NDRG3: variants seen among roughly 807,000 people sequenced by gnomAD.
NDRG3 encodes the protein NDRG family member 3.
NDRG3 carries 23 observed loss-of-function variants against 57.2 expected under a neutral mutation model. The observed-to-expected ratio is 0.40, with a 90% CI of 0.29 to 0.57. The LOEUF is 0.57. Ranked by LOEUF, NDRG3 falls within the 20% of genes least tolerant of loss-of-function variation. The pLI is 0.42. For synonymous variants in NDRG3, 132 were observed against 162.6 expected (o/e 0.81, Z 1.43); for missense variants, 384 against 457.3 (o/e 0.84, Z 1.46).
intron 8 of NDRG3, among the ~76,000 whole-genome samples, chr20:36,676,855 T>C (rs1263715687): frequency 1.3e-5 from 2 of 152,250 alleles, no homozygotes; most frequent in African/African-American, 4.8e-5. Context: ...GCACACGCCA[T>C]GGAGCTGGCG....
chr20:36,677,764 T>C (rs139771399), intron 8 of NDRG3, among the ~76,000 whole-genome samples: 292 of 152,260 alleles, frequency 1.9e-3, no homozygotes, highest in African/African-American at 6.8e-3. Flanking sequence ...TCTGAGCTGT[T>C]CTAACACTAA....
At chr20:36,669,374 C>T (rs548956252) in intron 9 of NDRG3, among the ~76,000 whole-genome samples, 49 of 174 alleles carry the variant, frequency 0.28, no homozygotes, top group African/African-American at 0.43. Context: ...GTACTACAGG[C>T]GCGTGCACCA....
chr20:36,716,207 T>C (rs114007515), intron 2 of NDRG3, among the ~76,000 whole-genome samples: 1 of 151,810 alleles, frequency 6.6e-6, no homozygotes, highest in Non-Finnish European at 1.5e-5. Context: ...TTGTGATTAG[T>C]AGAAAAGGAA....
At chr20:36,742,502 TA>T (rs1281583866) in intron 1 of NDRG3, among the ~76,000 whole-genome samples, 1 of 152,138 alleles carries the variant, frequency 6.6e-6, no homozygotes, top group Non-Finnish European at 1.5e-5. Flanking sequence ...CTAGCTTGAT[TA>T]TGGATATTTA....
chr20:36,688,772 C>CCTG lies in NDRG3; in HGVS notation c.105_106insCAG (p.Ile35_Glu36insGln), dbSNP rs1450342926. The CCTG allele has an allele frequency of 1.2e-6, 2 of 1,612,518 alleles. No individual in the cohort carries two copies. Among genetic ancestry groups the CCTG allele is most frequent in the Non-Finnish European group, 1.7e-6 (2 of 1,178,676 alleles). On this transcript the variant is annotated inframe_insertion, in exon 4 of 16. Coordinates refer to ENST00000349004, the MANE Select transcript of NDRG3 (RefSeq NM_032013.4). The stretch of plus-strand genomic sequence containing the variant: ...ACGTGGACCACACCATGAGTTGTTT[C>CCTG]TATATCATGTTCCTGTAACAAGAGA...
intron 1 of NDRG3, among the ~76,000 whole-genome samples, chr20:36,730,756 T>C (rs1985234000): frequency 6.6e-6 from 1 of 151,874 alleles, no homozygotes; most frequent in African/African-American, 2.4e-5. Context: ...GAGACCAGCC[T>C]GGCCAATATG....
intron 2 of NDRG3, among the ~76,000 whole-genome samples, chr20:36,717,192 G>A (rs545629983): frequency 6.6e-5 from 10 of 152,236 alleles, no homozygotes; most frequent in South Asian, 6.2e-4. Context: ...ATTCTGAGCC[G>A]TAGACAAAAT....
In NDRG3 at chr20:36,687,721, T is replaced by C. The variant is rs566164168; in HGVS notation, c.200-109A>G. ...TTCTTTCCCTGCTTTTTAACCACCA[T>C]TCCACCAAAGTGAGGTGTCTGAACA... On this transcript the variant is annotated intron_variant, in intron 4 of 15. Coordinates refer to ENST00000349004, the MANE Select transcript of NDRG3 (RefSeq NM_032013.4). 5.6e-5 allele frequency: 73 copies of C among 1,305,346 alleles called. No homozygotes were observed. In the East Asian group the frequency reaches 1.9e-3, roughly 33 times the overall value. 80.9% of individuals were successfully genotyped at this position (1,305,346 alleles called of 1,614,324 possible). A position where few individuals can be genotyped will look rare whatever the true frequency, so the allele number is the denominator to read the frequency against.
intron 1 of NDRG3, among the ~76,000 whole-genome samples, chr20:36,733,379 C>T (rs750775174): frequency 2.0e-5 from 3 of 151,648 alleles, no homozygotes; most frequent in Admixed American, 6.6e-5. Flanking sequence ...ATTCTAGGGG[C>T]GGAGTCAATC....
At chr20:36,692,304 A>C (rs991816129) in intron 3 of NDRG3, among the ~76,000 whole-genome samples, 2 of 152,130 alleles carry the variant, frequency 1.3e-5, no homozygotes, top group African/African-American at 4.8e-5. Context: ...GCTCACTGCA[A>C]CCTTCACTTC....
intron 3 of NDRG3, among the ~76,000 whole-genome samples, chr20:36,692,030 G>T (rs1324684284): frequency 6.6e-6 from 1 of 152,074 alleles, no homozygotes; most frequent in Non-Finnish European, 1.5e-5. Flanking sequence ...TGCTATAAAA[G>T]AAACAACTAG....
intron 2 of NDRG3, among the ~76,000 whole-genome samples, chr20:36,714,004 G>A (rs1325110844): frequency 2.0e-5 from 3 of 152,150 alleles, no homozygotes; most frequent in Non-Finnish European, 4.4e-5. Context: ...GATTGTACAA[G>A]CAAGAAGAGT....
intron 1 of NDRG3, among the ~76,000 whole-genome samples, chr20:36,736,290 G>C (rs148680742): frequency 1.5e-4 from 23 of 152,332 alleles, no homozygotes; most frequent in African/African-American, 5.5e-4. Flanking sequence ...TAGGGCCTGA[G>C]TATTGTTTTT....
At chr20:36,734,490 G>C (rs984002653) in intron 1 of NDRG3, among the ~76,000 whole-genome samples, 2 of 152,156 alleles carry the variant, frequency 1.3e-5, no homozygotes, top group African/African-American at 4.8e-5. Context: ...CTGATATGTA[G>C]TGAATAACAA....
chr20:36,665,664 T>C (rs1399811153), intron 10 of NDRG3, among the ~76,000 whole-genome samples: 2 of 152,132 alleles, frequency 1.3e-5, no homozygotes, highest in Admixed American at 1.3e-4. Context: ...AGTGGCACGA[T>C]CTCAGCTCAC....
intron 15 of NDRG3, chr20:36,654,689 G>C (rs1978496030): frequency 1.4e-6 from 1 of 736,316 alleles, no homozygotes; most frequent in Non-Finnish European, 2.5e-6. Context: ...GGCGTACTGA[G>C]CCACGTTCTA....
intron 3 of NDRG3, among the ~76,000 whole-genome samples, chr20:36,690,795 C>A (rs1234223006): frequency 1.5e-5 from 2 of 133,968 alleles, no homozygotes; most frequent in East Asian, 4.7e-4. Flanking sequence ...CCGAATAGAG[C>A]AGACAAAAGA....
intron 3 of NDRG3, among the ~76,000 whole-genome samples, chr20:36,698,083 G>A (rs926860189): frequency 6.8e-6 from 1 of 146,870 alleles, no homozygotes; most frequent in African/African-American, 2.5e-5. Flanking sequence ...TTCCTGCCTT[G>A]GCCTCCTGAG....
intron 8 of NDRG3, among the ~76,000 whole-genome samples, chr20:36,676,984 G>C (rs996112938): frequency 6.6e-6 from 1 of 152,218 alleles, no homozygotes; most frequent in African/African-American, 2.4e-5. Flanking sequence ...TGCAGCTGTG[G>C]ATCTCAGCCT....
Sources: gnomAD v4.1 joint callset for allele counts (sites outside exome capture counted in the v4.1 genomes callset) on GRCh38, gnomAD v4.1.1 for gene constraint, MANE v1.5 for transcripts, NCBI Gene and HGNC (gene_info 2026-07-23, HGNC 2026-07-21) for gene names.